The following PIEZO2 variants were observed in gnomAD, a reference collection of about 807,000 sequenced individuals.
PIEZO2 encodes piezo type mechanosensitive ion channel component 2.
Under a neutral mutation model 337.3 loss-of-function variants are expected in PIEZO2, and 172 were observed. That is an observed-to-expected ratio of 0.51 (90% CI 0.45 to 0.58). PIEZO2 has a LOEUF of 0.58. PIEZO2 is among the 20% of genes least tolerant of loss of function. PIEZO2 has a pLI of 0.00. For missense variants in PIEZO2, 3,028 were observed against 3,391.3 expected (o/e 0.89, Z 2.66); for synonymous variants, 1,251 against 1,228.5 (o/e 1.02, Z -0.38).
rs1409544918 is a variant in PIEZO2, at chr18:10,847,691, C to A, written c.917+7662G>T. 6.6e-6 allele frequency among the ~76,000 whole-genome samples: 1 copy of A among 152,164 alleles called. No homozygotes were observed. The highest frequency in any genetic ancestry group is 2.1e-4 in the South Asian group (1 of 4,836). On this transcript the variant is annotated intron_variant, in intron 7 of 55. Transcript: ENST00000674853. This position sits in a 1 kb window ranked among gnomAD's most constrained non-coding sequence, Gnocchi z 5.7. ...CCACTTATCTGTGTAAAGTCAATTT[C>A]TCTTGGGGCACCTAACTCTACCTTT...
At position 11,078,618 on chromosome 18, in the gene PIEZO2, C is replaced by A. The variant is rs1598925312; in HGVS notation, c.65-12396G>T. On this transcript the variant is annotated intron_variant, in intron 1 of 55. Coordinates refer to ENST00000674853, the MANE Select transcript of PIEZO2 (RefSeq NM_001378183.1). The surrounding 1 kb of genome is among the most constrained non-coding windows in gnomAD (Gnocchi z 5.3). Reference sequence around the variant, plus strand: ...TCTGTTGCTAGAGAAGTAGACACACCTTTTATGGCATGAATTCAGCCTTGG... The same window carrying A: ...TCTGTTGCTAGAGAAGTAGACACACATTTTATGGCATGAATTCAGCCTTGG... Among the ~76,000 whole-genome samples the A allele has an allele frequency of 6.6e-6, 1 of 152,168 alleles. No homozygotes were observed. The highest frequency in any genetic ancestry group is 1.5e-5 in the Non-Finnish European group (1 of 68,036).
chr18:10,693,643 G>T (rs532458170), intron 47 of PIEZO2, among the ~76,000 whole-genome samples: 1 of 151,666 alleles, frequency 6.6e-6, no homozygotes, highest in East Asian at 1.9e-4. Context: ...TGGGATTACA[G>T]GCATGAGCCA....
Position 11,092,048 on chromosome 18 carries a change from T to C in PIEZO2, c.65-25826A>G, listed in dbSNP as rs2039108127. ...AAGACTCTTTGGAGGGTGTGGCAAA[T>C]GTGGTCTTTGATGCAAGGCTTAATT... On this transcript the variant is annotated intron_variant, in intron 1 of 55. Transcript: ENST00000674853. This position sits in a 1 kb window ranked among gnomAD's most constrained non-coding sequence, Gnocchi z 4.5. 6.6e-6 allele frequency among the ~76,000 whole-genome samples: 1 copy of C among 152,180 alleles called. No homozygotes were observed. The highest frequency in any genetic ancestry group is 1.5e-5 in the Non-Finnish European group (1 of 68,046).
In PIEZO2 at chr18:10,795,225, T is replaced by C. The variant is rs1031718005; in HGVS notation, c.1528-223A>G. Among the ~76,000 whole-genome samples the C allele has an allele frequency of 7.9e-5, 12 of 152,202 alleles. No individual in the cohort carries two copies. Among genetic ancestry groups the C allele is most frequent in the African/African-American group, 2.9e-4 (12 of 41,462 alleles). ...TTGTAGCTCCATTAACACAGCAGAA[T>C]GGTACCGGACAAGGGCACATTTTTA... On this transcript the variant is annotated intron_variant, in intron 12 of 55. Transcript: ENST00000674853. The surrounding 1 kb of genome is among the most constrained non-coding windows in gnomAD (Gnocchi z 4.4).
chr18:10,695,357 C>T (rs946690969), intron 47 of PIEZO2, among the ~76,000 whole-genome samples: 1 of 152,174 alleles, frequency 6.6e-6, no homozygotes, highest in Non-Finnish European at 1.5e-5. Flanking sequence ...CACTGGGGAA[C>T]TGAAGGTCAA....
intron 7 of PIEZO2, among the ~76,000 whole-genome samples, chr18:10,811,035 G>T (rs141782761): frequency 6.6e-6 from 1 of 152,058 alleles, no homozygotes; most frequent in Admixed American, 6.6e-5. Context: ...AAGTTTTGTC[G>T]TAAGCATTGG....
rs1233906350 is a variant in PIEZO2, at chr18:11,003,127, G to A, written c.161-23467C>T. ...GCCCTCCCAGGTCTTCCTCCAGCAG[G>A]CAGGATGGCACTTGGAGTCTGGGTG... On this transcript the variant is annotated intron_variant, in intron 2 of 55. Coordinates refer to ENST00000674853, the MANE Select transcript of PIEZO2 (RefSeq NM_001378183.1). This position sits in a 1 kb window ranked among gnomAD's most constrained non-coding sequence, Gnocchi z 4.6. Among the ~76,000 whole-genome samples the A allele has an allele frequency of 6.6e-6, 1 of 152,220 alleles. No homozygotes were observed. Among genetic ancestry groups the A allele is most frequent in the Non-Finnish European group, 1.5e-5 (1 of 68,044 alleles).
chr18:10,745,146 C>T (rs1266951634), intron 30 of PIEZO2, among the ~76,000 whole-genome samples: 1 of 152,182 alleles, frequency 6.6e-6, no homozygotes, highest in African/African-American at 2.4e-5. Flanking sequence ...CACCATCCCT[C>T]CCACAGGCGT....
intron 4 of PIEZO2, chr18:10,908,863 C>T (rs11080467): frequency 0.22 from 34,036 of 152,064 alleles, 4,122 homozygotes; most frequent in Non-Finnish European, 0.27. Flanking sequence ...TGGAACTGTG[C>T]GGGATGCTGC....
chr18:10,792,811 C>CAACCA (rs2039448973), intron 13 of PIEZO2, among the ~76,000 whole-genome samples: 1 of 152,176 alleles, frequency 6.6e-6, no homozygotes, highest in African/African-American at 2.4e-5. Flanking sequence ...AATTGCTGGT[C>CAACCA]TTATGGAAAT....
chr18:10,912,275 C>G (rs1295475657), intron 3 of PIEZO2, among the ~76,000 whole-genome samples: 2 of 152,104 alleles, frequency 1.3e-5, no homozygotes, highest in Non-Finnish European at 2.9e-5. Context: ...TTAGGAAAAA[C>G]CTTTTTAATA....
At chr18:10,927,800 T>C (rs1264371207) in intron 3 of PIEZO2, among the ~76,000 whole-genome samples, 2 of 152,190 alleles carry the variant, frequency 1.3e-5, no homozygotes, top group African/African-American at 4.8e-5. Flanking sequence ...ACTAGTGCTG[T>C]CTACAACTCG....
In PIEZO2 at chr18:10,748,583, T is replaced by C; in HGVS notation, c.4312A>G (p.Ile1438Val). The change falls in exon 30 of 56, where the codon ATT (isoleucine) becomes GTT (valine). Residue 1438 changes from isoleucine (I) to valine (V), a missense_variant. Coordinates refer to ENST00000674853, the MANE Select transcript of PIEZO2 (RefSeq NM_001378183.1). This position sits in a 1 kb window ranked among gnomAD's most constrained non-coding sequence, Gnocchi z 5.1. ...AAGGCAAAACATATGCTGTCCCAAATGATTCCTGCTTCCCCACTGGGAAGT... is the reference window on the plus strand; with the variant it reads ...AAGGCAAAACATATGCTGTCCCAAACGATTCCTGCTTCCCCACTGGGAAGT... ...CTLPSGEAGI[I>V]WDSICFAFLL... 2 of 1,532,260 alleles carry C rather than the reference T, an allele frequency of 1.3e-6. No homozygotes were observed. Among genetic ancestry groups the C allele is most frequent in the South Asian group, 1.2e-5 (1 of 83,084 alleles). The allele number at this position is 1,532,260 out of a possible 1,614,324, so 94.9% of individuals were successfully genotyped here.
intron 7 of PIEZO2, among the ~76,000 whole-genome samples, chr18:10,852,256 T>C (rs1019854535): frequency 6.6e-6 from 1 of 152,220 alleles, no homozygotes; most frequent in South Asian, 2.1e-4. Flanking sequence ...ATTCTTTTCT[T>C]ATTAGACTGA....
intron 47 of PIEZO2, among the ~76,000 whole-genome samples, chr18:10,693,251 G>C (rs1411355276): frequency 6.6e-6 from 1 of 152,058 alleles, no homozygotes; most frequent in Non-Finnish European, 1.5e-5. Flanking sequence ...AGCTTCCAAA[G>C]TTCATTTATA....
At chr18:11,045,474 C>A (rs1249515928) in intron 2 of PIEZO2, among the ~76,000 whole-genome samples, 1 of 152,130 alleles carries the variant, frequency 6.6e-6, no homozygotes, top group Non-Finnish European at 1.5e-5. Context: ...CCCTAGACAG[C>A]ACTTCAGCAC....
chr18:10,710,693 T>C (rs756559618), intron 39 of PIEZO2, among the ~76,000 whole-genome samples: 4 of 152,214 alleles, frequency 2.6e-5, no homozygotes, highest in Non-Finnish European at 5.9e-5. Flanking sequence ...TGAAGGGCAC[T>C]GGCCACACTG....
Position 11,104,191 on chromosome 18 carries a change from A to G in PIEZO2, c.65-37969T>C, listed in dbSNP as rs2039496218. On this transcript the variant is annotated intron_variant, in intron 1 of 55. Transcript: ENST00000674853. The surrounding 1 kb of genome is among the most constrained non-coding windows in gnomAD (Gnocchi z 4.6). ...GACGGACCCTGCAAATGCATAATGCACCAGGAGAATGGTCTATGTAACACT... is the reference window on the plus strand; with the variant it reads ...GACGGACCCTGCAAATGCATAATGCGCCAGGAGAATGGTCTATGTAACACT... Among the ~76,000 whole-genome samples the G allele has an allele frequency of 6.6e-6, 1 of 152,204 alleles. No individual in the cohort carries two copies. The highest frequency in any genetic ancestry group is 2.1e-4 in the South Asian group (1 of 4,816).
At chr18:11,051,214 A>G (rs2037514821) in intron 2 of PIEZO2, among the ~76,000 whole-genome samples, 1 of 152,118 alleles carries the variant, frequency 6.6e-6, no homozygotes, top group African/African-American at 2.4e-5. Flanking sequence ...GTCCTCATCT[A>G]TTACAATGTT....
Sources: allele counts gnomAD v4.1 joint callset (sites outside exome capture counted in the v4.1 genomes callset), GRCh38; gene constraint gnomAD v4.1.1; non-coding constraint Gnocchi (gnomAD v3.1); transcripts MANE v1.5; gene names NCBI Gene and HGNC (gene_info 2026-07-23, HGNC 2026-07-21).